Variants in EDIL3 observed in about 807,000 individuals in gnomAD.
EDIL3 encodes EGF like and discoidin domains 3, also known as EGF-like repeat and discoidin I-like domain-containing protein 3.
In EDIL3, 37 loss-of-function variants were observed where a neutral mutation model predicts 67.4. That is an observed-to-expected ratio of 0.55 (90% CI 0.42 to 0.72). The LOEUF (loss-of-function observed/expected upper bound fraction) is 0.72. Ranked by LOEUF, EDIL3 falls within the 30% of genes least tolerant of loss-of-function variation. The pLI, the probability that EDIL3 is intolerant of heterozygous loss-of-function variation, is 0.00. For synonymous variants in EDIL3, 195 were observed against 196.3 expected, an observed-to-expected ratio of 0.99 and a Z score of 0.05; for missense variants, 527 against 586.3, an observed-to-expected ratio of 0.90 and a Z score of 1.04.
At chr5:84,051,534 C>T (rs1215503520) in intron 9 of EDIL3, among the ~76,000 whole-genome samples, 3 of 152,088 alleles carry the variant, frequency 2.0e-5, no homozygotes, top group African/African-American at 7.3e-5. Context: ...AAGTTCGAAC[C>T]CATTGCAAAG....
At chr5:84,378,957 A>G (rs1247358545) in intron 1 of EDIL3, among the ~76,000 whole-genome samples, 1 of 152,190 alleles carries the variant, frequency 6.6e-6, no homozygotes, top group Non-Finnish European at 1.5e-5. Flanking sequence ...AATAATGATG[A>G]CAAAATATCA....
intron 1 of EDIL3, among the ~76,000 whole-genome samples, chr5:84,280,326 T>C (rs1745670001): frequency 6.6e-6 from 1 of 152,192 alleles, no homozygotes; most frequent in Non-Finnish European, 1.5e-5. Flanking sequence ...TCATGATCTC[T>C]AGAAGCATTC....
chr5:84,008,040 T>G (rs1745451423), intron 9 of EDIL3, among the ~76,000 whole-genome samples: 1 of 152,036 alleles, frequency 6.6e-6, no homozygotes, highest in African/African-American at 2.4e-5. Context: ...AAAGACAAAC[T>G]TCACATATTT....
At position 84,180,466 on chromosome 5, in the gene EDIL3, T is replaced by G. The variant is rs756981149; in HGVS notation, c.282A>C (p.Ala94=). The G allele has an allele frequency of 2.7e-5, 43 of 1,609,038 alleles. No homozygotes were observed. The African/African-American group carries it at 5.2e-4, about 20-fold the overall frequency. The stretch of plus-strand genomic sequence containing the variant: ...AGCCTATGAATGTATCCCCTCGGTA[T>G]GCTTCACTTATTTCACAGGTTCCTC... The part of the protein sequence containing the change: ...HNGGTCEISE[A]YRGDTFIGYV... Residue 94 remains alanine, a synonymous_variant, in exon 4 of 11, where the codon GCA becomes GCC. Transcript: ENST00000296591.
chr5:84,250,320 G>T (rs78002502), intron 2 of EDIL3, among the ~76,000 whole-genome samples: 211 of 152,244 alleles, frequency 1.4e-3, no homozygotes, highest in African/African-American at 4.8e-3. Flanking sequence ...GATACAGAGA[G>T]GCAGAGAGAG....
chr5:84,251,392 A>G (rs1745022797), intron 2 of EDIL3, among the ~76,000 whole-genome samples: 1 of 149,882 alleles, frequency 6.7e-6, no homozygotes, highest in Non-Finnish European at 1.5e-5. Flanking sequence ...ATTACCGACC[A>G]GCGTGAGCCA....
chr5:84,177,839 A>C (rs1748948067), intron 4 of EDIL3, among the ~76,000 whole-genome samples: 1 of 152,166 alleles, frequency 6.6e-6, no homozygotes, highest in Non-Finnish European at 1.5e-5. Context: ...TTGATAAAAT[A>C]GTTGTTAAAA....
chr5:83,961,719 T>A (rs916444097), intron 10 of EDIL3, among the ~76,000 whole-genome samples: 4 of 151,202 alleles, frequency 2.6e-5, no homozygotes, highest in African/African-American at 9.7e-5. Flanking sequence ...ATGCTTACTG[T>A]AAAAGGTAAA....
chr5:84,212,305 AAGG>A (rs886800905), intron 3 of EDIL3, among the ~76,000 whole-genome samples: 2 of 152,210 alleles, frequency 1.3e-5, no homozygotes, highest in Non-Finnish European at 2.9e-5. Context: ...AAGTGGAGAG[AAGG>A]ATGAGTCCAG....
chr5:84,115,249 A>T (rs931137762), intron 5 of EDIL3, among the ~76,000 whole-genome samples: 6 of 152,188 alleles, frequency 3.9e-5, no homozygotes, highest in Non-Finnish European at 2.9e-5. Context: ...AATGAAAACC[A>T]CATTTATAAA....
At chr5:84,102,932 A>C (rs549848160) in intron 6 of EDIL3, among the ~76,000 whole-genome samples, 1 of 152,238 alleles carries the variant, frequency 6.6e-6, no homozygotes, top group East Asian at 1.9e-4. Flanking sequence ...ACCCCCCAAA[A>C]GCTAGAAGTA....
chr5:84,207,978 T>C (rs908612078), intron 3 of EDIL3, among the ~76,000 whole-genome samples: 1 of 152,020 alleles, frequency 6.6e-6, no homozygotes, highest in African/African-American at 2.4e-5. Context: ...ATTCAGGACA[T>C]AGGCATGGGC....
intron 2 of EDIL3, among the ~76,000 whole-genome samples, chr5:84,249,068 A>G (rs1671123029): frequency 6.6e-6 from 1 of 152,148 alleles, no homozygotes; most frequent in Admixed American, 6.6e-5. Flanking sequence ...CCATCCTCAG[A>G]GTCAGTGCTG....
intron 1 of EDIL3, among the ~76,000 whole-genome samples, chr5:84,306,977 T>C (rs2112137181): frequency 6.6e-6 from 1 of 152,344 alleles, no homozygotes; most frequent in South Asian, 2.1e-4. Flanking sequence ...TTAACTATTA[T>C]TCATTTATTA....
At chr5:84,022,873 AT>A (rs1380186091) in intron 9 of EDIL3, among the ~76,000 whole-genome samples, 5 of 152,036 alleles carry the variant, frequency 3.3e-5, no homozygotes, top group Non-Finnish European at 5.9e-5. Context: ...AATGTACTAT[AT>A]ATTTCAAAAT....
Position 84,341,365 on chromosome 5 carries a change from C to T in EDIL3, c.67+42943G>A, listed in dbSNP as rs571053394. Among the ~76,000 whole-genome samples, 5 of 152,168 alleles carry T rather than the reference C, an allele frequency of 3.3e-5. No individual in the cohort carries two copies. In the South Asian group the frequency reaches 1.0e-3, roughly 32 times the overall value. ...ACAGAAGTCCCTGCTCTGTGAACTA[C>T]ATTCTAGTTGAAGAGTTTATACTCA... On this transcript the variant is annotated intron_variant, in intron 1 of 10. Transcript: ENST00000296591.
intron 1 of EDIL3, among the ~76,000 whole-genome samples, chr5:84,290,169 A>G (rs1407152703): frequency 1.3e-5 from 2 of 152,152 alleles, no homozygotes; most frequent in African/African-American, 4.8e-5. Flanking sequence ...GTCTTCCCTG[A>G]GGACAGCCAT....
intron 1 of EDIL3, among the ~76,000 whole-genome samples, chr5:84,377,979 C>A (rs1748001149): frequency 6.6e-6 from 1 of 152,126 alleles, no homozygotes; most frequent in Non-Finnish European, 1.5e-5. Context: ...TATTTTAAAA[C>A]AAAATAGCAG....
rs370030142 is a variant in EDIL3, at chr5:84,353,369, C to T, written c.67+30939G>A. On this transcript the variant is annotated intron_variant, in intron 1 of 10. Coordinates refer to ENST00000296591, the MANE Select transcript of EDIL3 (RefSeq NM_005711.5). Reference sequence around the variant, plus strand: ...TGAAGACTTATTTCATGTGTGACATCGAATCCGTAACTTAAACTCACAACA... The same window carrying T: ...TGAAGACTTATTTCATGTGTGACATTGAATCCGTAACTTAAACTCACAACA... Among the ~76,000 whole-genome samples, 18 of 152,138 alleles carry T rather than the reference C, an allele frequency of 1.2e-4. No individual in the cohort carries two copies. The South Asian group carries it at 1.5e-3, about 12-fold the overall frequency.
Sources: allele counts gnomAD v4.1 joint callset (sites outside exome capture counted in the v4.1 genomes callset), GRCh38; gene constraint gnomAD v4.1.1; transcripts MANE v1.5; gene names NCBI Gene and HGNC (gene_info 2026-07-23, HGNC 2026-07-21).